SUMF1: variants seen among roughly 807,000 people sequenced by gnomAD.
SUMF1 encodes formylglycine-generating enzyme.
A neutral mutation model predicts 47.6 loss-of-function variants in SUMF1; 48 were observed. That is an observed-to-expected ratio of 1.01 (90% CI 0.80 to 1.28). SUMF1 has a LOEUF of 1.28. Among genes scored for constraint, SUMF1 ranks in the 50% most tolerant of loss-of-function variants. SUMF1 has a pLI of 0.00. For missense variants in SUMF1, 571 were observed against 485.4 expected (o/e 1.18, Z -1.66); for synonymous variants, 230 against 192.1 (o/e 1.20, Z -1.63).
intron 8 of SUMF1, among the ~76,000 whole-genome samples, chr3:4,151,321 C>T (rs1321678751): frequency 6.8e-6 from 1 of 147,398 alleles, no homozygotes; most frequent in Non-Finnish European, 1.5e-5. Context: ...GGTGCTTCTC[C>T]CTACAGGGAA....
intron 9 of SUMF1, among the ~76,000 whole-genome samples, chr3:4,051,010 T>C (rs1574845879): frequency 6.6e-6 from 1 of 152,110 alleles, no homozygotes; most frequent in South Asian, 2.1e-4. Flanking sequence ...TTGCTGATAT[T>C]GTTGATTGTC....
At chr3:4,089,755 A>C (rs576060599) in intron 8 of SUMF1, among the ~76,000 whole-genome samples, 1 of 152,218 alleles carries the variant, frequency 6.6e-6, no homozygotes, top group East Asian at 1.9e-4. Flanking sequence ...GACTTCCCCA[A>C]CCCAAATTTC....
chr3:4,037,640 C>T (rs1694823153), intron 9 of SUMF1, among the ~76,000 whole-genome samples: 1 of 152,114 alleles, frequency 6.6e-6, no homozygotes, highest in Non-Finnish European at 1.5e-5. Context: ...TCTATATTCT[C>T]AATTCTATTT....
chr3:4,043,925 C>T (rs1286448066), intron 9 of SUMF1, among the ~76,000 whole-genome samples: 1 of 151,990 alleles, frequency 6.6e-6, no homozygotes, highest in Non-Finnish European at 1.5e-5. Context: ...GCAATAAAAT[C>T]AACTCCATTT....
chr3:4,076,016 AC>A (rs1692424412), intron 8 of SUMF1, among the ~76,000 whole-genome samples: 1 of 152,120 alleles, frequency 6.6e-6, no homozygotes, highest in Non-Finnish European at 1.5e-5. Context: ...GAACCAAAAA[AC>A]AGCCCACATT....
chr3:4,173,982 C>A (rs780858863), intron 8 of SUMF1, among the ~76,000 whole-genome samples: 1 of 152,086 alleles, frequency 6.6e-6, no homozygotes, highest in Non-Finnish European at 1.5e-5. Flanking sequence ...ACCTATGTAA[C>A]AAACCTGCAC....
At chr3:4,270,399 C>T (rs940801607) in intron 8 of SUMF1, among the ~76,000 whole-genome samples, 9 of 151,776 alleles carry the variant, frequency 5.9e-5, no homozygotes, top group Non-Finnish European at 1.2e-4. Context: ...TCTCTTTGCT[C>T]TCTCTCTCTT....
intron 8 of SUMF1, among the ~76,000 whole-genome samples, chr3:4,368,834 C>A (rs78046875): frequency 0.025 from 3,772 of 152,188 alleles, 70 homozygotes; most frequent in Middle Eastern, 0.044. Context: ...AACTCTTGTG[C>A]CCTAGGATTG....
At chr3:4,384,318 T>C (rs953189946) in intron 7 of SUMF1, among the ~76,000 whole-genome samples, 2 of 152,334 alleles carry the variant, frequency 1.3e-5, no homozygotes, top group East Asian at 1.9e-4. Context: ...AACAGAGGAA[T>C]TGGTGTACTC....
chr3:4,280,821 G>A (rs1697513594), intron 8 of SUMF1, among the ~76,000 whole-genome samples: 3 of 14,154 alleles, frequency 2.1e-4, no homozygotes, highest in Non-Finnish European at 4.3e-4. Flanking sequence ...CACCGTGTGT[G>A]TGTGTGTGTG....
intron 8 of SUMF1, among the ~76,000 whole-genome samples, chr3:4,189,832 C>T (rs1695278181): frequency 6.6e-6 from 1 of 152,158 alleles, no homozygotes; most frequent in Non-Finnish European, 1.5e-5. Flanking sequence ...CACTCCCTGA[C>T]TATGTGCCTA....
chr3:4,451,810 A>T (rs1702978959), intron 2 of SUMF1, among the ~76,000 whole-genome samples: 1 of 152,086 alleles, frequency 6.6e-6, no homozygotes, highest in Non-Finnish European at 1.5e-5. Context: ...CAGCCTCCCA[A>T]GTAGCTGGGA....
At chr3:4,178,566 A>G (rs1186062211) in intron 8 of SUMF1, among the ~76,000 whole-genome samples, 2 of 152,206 alleles carry the variant, frequency 1.3e-5, no homozygotes, top group Non-Finnish European at 2.9e-5. Context: ...TATTTATGAC[A>G]AACCCACAGC....
intron 7 of SUMF1, among the ~76,000 whole-genome samples, chr3:4,396,543 C>G (rs1701044474): frequency 6.6e-6 from 1 of 152,176 alleles, no homozygotes; most frequent in Non-Finnish European, 1.5e-5. Context: ...AGTTCCCTCA[C>G]TTGTGCTCCT....
chr3:4,389,654 ACT>A (rs538480407), intron 7 of SUMF1, among the ~76,000 whole-genome samples: 44 of 152,226 alleles, frequency 2.9e-4, no homozygotes, highest in African/African-American at 1.1e-3. Context: ...TTCTTCATTT[ACT>A]GTTTTCTTTC....
chr3:4,465,979 T>C (rs761505394), intron 1 of SUMF1, among the ~76,000 whole-genome samples: 5 of 152,230 alleles, frequency 3.3e-5, no homozygotes, highest in Admixed American at 6.5e-5. Context: ...AAAAGGATAG[T>C]GTCTGCTAAG....
At chr3:4,402,506 A>G (rs1274612839) in intron 7 of SUMF1, among the ~76,000 whole-genome samples, 5 of 152,224 alleles carry the variant, frequency 3.3e-5, no homozygotes, top group Non-Finnish European at 7.3e-5. Flanking sequence ...CTGTATCCCA[A>G]GAGTAGATAT....
intron 8 of SUMF1, among the ~76,000 whole-genome samples, chr3:4,319,794 C>A (rs1039509168): frequency 3.3e-5 from 5 of 152,130 alleles, no homozygotes; most frequent in Non-Finnish European, 7.4e-5. Context: ...CAAACTGGTA[C>A]ATCCATATGA....
At position 4,078,120 on chromosome 3, in the gene SUMF1, G is replaced by T. The variant is rs1200861655; in HGVS notation, c.1015-9375C>A. Among the ~76,000 whole-genome samples, 3 of 152,162 alleles carry T rather than the reference G, an allele frequency of 2.0e-5. No individual in the cohort carries two copies. In the East Asian group the frequency reaches 5.8e-4, roughly 29 times the overall value. On this transcript the variant is annotated intron_variant and NMD_transcript_variant, in intron 8 of 12. Coordinates refer to the SUMF1 transcript ENST00000448413. Reference sequence around the variant, plus strand: ...TAGCAGACACTACTGATTGCATATGGTACTGTTCCCCACTGAGCCGAAATA... The same window carrying T: ...TAGCAGACACTACTGATTGCATATGTTACTGTTCCCCACTGAGCCGAAATA...
Sources: gnomAD v4.1 joint callset for allele counts (sites outside exome capture counted in the v4.1 genomes callset) on GRCh38, gnomAD v4.1.1 for gene constraint, MANE v1.5 for transcripts, NCBI Gene and HGNC (gene_info 2026-07-23, HGNC 2026-07-21) for gene names.